The following CSMD1 variants were observed in gnomAD, a reference collection of about 807,000 sequenced individuals.
CSMD1 encodes CUB and sushi domain-containing protein 1.
CSMD1 carries 213 observed loss-of-function variants against 417.5 expected under a neutral mutation model. The ratio of observed to expected loss-of-function variants is 0.51; its 90% CI spans 0.46 to 0.57. The LOEUF is 0.57. CSMD1 is among the 20% of genes least tolerant of loss of function. The pLI, the probability that CSMD1 is intolerant of heterozygous loss-of-function variation, is 0.00. For synonymous variants in CSMD1, 2,862 were observed against 1,736.8 expected (o/e 1.65, Z -16.11); for missense variants, 6,923 against 4,529.7 (o/e 1.53, Z -15.17).
rs1233052660 is a variant in CSMD1 at position 2,942,394 on chromosome 8, G to C, written c.10535+78C>G. ...TAATATAAAATACATGTGCATGTGA[G>C]CACGAGAGCATGCCCATTACTTTAA... On this transcript the variant is annotated intron_variant, in intron 69 of 69. Coordinates refer to ENST00000635120, the MANE Select transcript of CSMD1 (RefSeq NM_033225.6). 3.2e-6 allele frequency: 4 copies of C among 1,235,064 alleles called. No homozygotes were observed. The East Asian group carries it at 7.2e-5, about 22-fold the overall frequency. The allele number at this position is 1,235,064 out of a possible 1,614,324, so 76.5% of individuals were successfully genotyped here. A position where few individuals can be genotyped will look rare whatever the true frequency, so the allele number is the denominator to read the frequency against.
intron 3 of CSMD1, among the ~76,000 whole-genome samples, chr8:4,091,324 G>C (rs1746960243): frequency 6.6e-6 from 1 of 152,046 alleles, no homozygotes; most frequent in East Asian, 1.9e-4. Flanking sequence ...ATATTTTGTT[G>C]TAGTTAGAAT....
chr8:4,071,413 G>A (rs1799551244), intron 3 of CSMD1, among the ~76,000 whole-genome samples: 1 of 151,874 alleles, frequency 6.6e-6, no homozygotes, highest in African/African-American at 2.4e-5. Context: ...AAAAATTGTA[G>A]TTTAGATATT....
At chr8:4,344,422 G>A (rs890851476) in intron 3 of CSMD1, among the ~76,000 whole-genome samples, 1 of 151,760 alleles carries the variant, frequency 6.6e-6, no homozygotes, top group Non-Finnish European at 1.5e-5. Flanking sequence ...AGCAAAGGCA[G>A]GAATATTTTA....
At chr8:4,118,146 C>G (rs957618045) in intron 3 of CSMD1, among the ~76,000 whole-genome samples, 2 of 152,028 alleles carry the variant, frequency 1.3e-5, no homozygotes, top group African/African-American at 4.8e-5. Context: ...CCTTGGCAGA[C>G]TCTCAGTGGG....
At chr8:4,879,875 C>G (rs1803285304) in intron 1 of CSMD1, among the ~76,000 whole-genome samples, 1 of 152,020 alleles carries the variant, frequency 6.6e-6, no homozygotes, top group South Asian at 2.1e-4. Flanking sequence ...ATCGATCAAT[C>G]AAATCAGTCA....
intron 5 of CSMD1, among the ~76,000 whole-genome samples, chr8:3,925,849 T>TG (rs1468942379): frequency 6.6e-6 from 1 of 152,072 alleles, no homozygotes; most frequent in Non-Finnish European, 1.5e-5. Context: ...GAAAGATATT[T>TG]GGGGACCTTT....
chr8:4,462,923 T>A (rs895100294), intron 2 of CSMD1, among the ~76,000 whole-genome samples: 1 of 152,128 alleles, frequency 6.6e-6, no homozygotes, highest in African/African-American at 2.4e-5. Flanking sequence ...TTCTTAGATA[T>A]GACATCAAAA....
At chr8:2,954,457 C>T (rs984946777) in intron 64 of CSMD1, among the ~76,000 whole-genome samples, 189 bp from the exon 65 acceptor site, 12 of 151,836 alleles carry the variant, frequency 7.9e-5, no homozygotes, top group Admixed American at 3.3e-4. Context: ...TGTGGGAAAG[C>T]GGAGTTTAAG....
At chr8:4,272,427 T>C (rs769348968) in intron 3 of CSMD1, among the ~76,000 whole-genome samples, 2 of 152,208 alleles carry the variant, frequency 1.3e-5, no homozygotes, top group African/African-American at 4.8e-5. Context: ...TATATCATAC[T>C]ACATAGGAAA....
intron 7 of CSMD1, among the ~76,000 whole-genome samples, chr8:3,654,196 A>C (rs145191658): frequency 7.0e-4 from 106 of 152,312 alleles, no homozygotes; most frequent in African/African-American, 2.5e-3. Context: ...GCAGTGTTTT[A>C]ATATTTACCT....
At chr8:3,012,879 G>A (rs1486626242) in intron 52 of CSMD1, among the ~76,000 whole-genome samples, 1 of 152,150 alleles carries the variant, frequency 6.6e-6, no homozygotes, top group Admixed American at 6.5e-5. Context: ...GATGGAGACA[G>A]GAAGAGATAA....
intron 3 of CSMD1, among the ~76,000 whole-genome samples, chr8:4,402,139 A>T (rs1563135900): frequency 6.6e-6 from 1 of 152,074 alleles, no homozygotes; most frequent in Admixed American, 6.6e-5. Context: ...TTAATTAGTC[A>T]TATGGTCAGA....
chr8:4,314,611 AC>A (rs1798816161), intron 3 of CSMD1, among the ~76,000 whole-genome samples: 3 of 151,992 alleles, frequency 2.0e-5, no homozygotes. Flanking sequence ...TTTCACACAC[AC>A]ACACACACAC....
chr8:4,302,355 G>A (rs1228809970), intron 3 of CSMD1, among the ~76,000 whole-genome samples: 1 of 152,178 alleles, frequency 6.6e-6, no homozygotes, highest in African/African-American at 2.4e-5. Flanking sequence ...GATTCATAGT[G>A]ATAATGTATC....
chr8:4,658,847 A>T (rs1804401776), intron 1 of CSMD1, among the ~76,000 whole-genome samples: 2 of 152,164 alleles, frequency 1.3e-5, no homozygotes. Flanking sequence ...TTCCTATGTG[A>T]ACATGGTCTG....
intron 21 of CSMD1, among the ~76,000 whole-genome samples, chr8:3,348,462 G>A (rs1489524948): frequency 1.6e-4 from 25 of 152,142 alleles, no homozygotes; most frequent in Admixed American, 1.6e-3. Flanking sequence ...CAGCACCATG[G>A]CTCACTGGCT....
intron 12 of CSMD1, among the ~76,000 whole-genome samples, chr8:3,442,327 G>C (rs1815036864): frequency 6.6e-6 from 1 of 152,116 alleles, no homozygotes; most frequent in Non-Finnish European, 1.5e-5. Context: ...GCAGTGTATG[G>C]TAATGTCCTA....
chr8:3,457,822 T>A (rs537229205), intron 12 of CSMD1, among the ~76,000 whole-genome samples: 18 of 152,308 alleles, frequency 1.2e-4, no homozygotes, highest in African/African-American at 4.1e-4. Context: ...CCTTGTTGTA[T>A]CCGATGCAGG....
At chr8:3,937,148 G>C (rs912182809) in intron 5 of CSMD1, among the ~76,000 whole-genome samples, 4 of 152,204 alleles carry the variant, frequency 2.6e-5, no homozygotes, top group African/African-American at 9.6e-5. Flanking sequence ...AGCAAAGAAA[G>C]TGGTTTCTTT....
Sources: gnomAD v4.1 joint callset for allele counts (sites outside exome capture counted in the v4.1 genomes callset) on GRCh38, gnomAD v4.1.1 for gene constraint, MANE v1.5 for transcripts, NCBI Gene and HGNC (gene_info 2026-07-23, HGNC 2026-07-21) for gene names.